The following DENND5B variants were observed in gnomAD, a reference collection of about 807,000 sequenced individuals.
DENND5B encodes the protein DENN domain containing 5B, also known as DENN domain-containing protein 5B.
In DENND5B, 34 loss-of-function variants were observed where a neutral mutation model predicts 140.6. The observed-to-expected ratio is 0.24, with a 90% CI of 0.18 to 0.32. The LOEUF (loss-of-function observed/expected upper bound fraction) is 0.32, where lower values mean the gene tolerates loss of function less well. Among genes scored for constraint, DENND5B ranks in the 10% least tolerant of loss-of-function variants. The pLI is 1.00. For missense variants in DENND5B, 1,142 were observed against 1,560.2 expected (o/e 0.73, Z 4.52); for synonymous variants, 551 against 562.1 (o/e 0.98, Z 0.28).
intron 1 of DENND5B, among the ~76,000 whole-genome samples, chr12:31,548,455 C>CAGT (rs756927236): frequency 1.3e-5 from 2 of 151,952 alleles, no homozygotes; most frequent in Non-Finnish European, 1.5e-5. Flanking sequence ...GCAGAACCCA[C>CAGT]AGTATCTAAG....
At chr12:31,387,808 A>G (rs1218553592) in intron 20 of DENND5B, 22 bp from the exon 21 acceptor site, 1 of 1,604,262 alleles carries the variant, frequency 6.2e-7, no homozygotes, top group Non-Finnish European at 8.5e-7. Context: ...AACAGAAACA[A>G]TTCCTGAGCA....
chr12:31,464,695 G>C (rs2138314519), intron 3 of DENND5B, among the ~76,000 whole-genome samples: 1 of 152,178 alleles, frequency 6.6e-6, no homozygotes, highest in South Asian at 2.1e-4. Flanking sequence ...CGAGTAGCTT[G>C]GATTACAGCT....
Position 31,409,325 on chromosome 12 carries a change from T to C in DENND5B, c.2741A>G (p.Tyr914Cys). The C allele has an allele frequency of 6.4e-7, 1 of 1,566,552 alleles. No individual in the cohort carries two copies. The highest frequency in any genetic ancestry group is 1.2e-5 in the South Asian group (1 of 84,860). ...CACAGCATTGAGAGAAAGAAGGTGG[T>C]AAAGAAACTGCTCTCTTTCTTCTTC... ...RCEEEREQFL[Y>C]HLLSLNAVDY... The change falls in exon 14 of 21, where the codon TAC (tyrosine) becomes TGC (cysteine). Residue 914 changes from tyrosine to cysteine, a missense_variant. Physicochemically the swap from Tyr to Cys is radical, Grantham distance 194 (BLOSUM62 -2). Coordinates refer to ENST00000389082, the MANE Select transcript of DENND5B (RefSeq NM_144973.4).
chr12:31,523,445 C>T (rs1270896438), intron 1 of DENND5B, among the ~76,000 whole-genome samples: 1 of 152,104 alleles, frequency 6.6e-6, no homozygotes, highest in Admixed American at 6.6e-5. Flanking sequence ...CTGACACAAT[C>T]CTGGCACTTA....
chr12:31,493,982 C>T (rs1385953507), intron 2 of DENND5B, among the ~76,000 whole-genome samples: 2 of 152,016 alleles, frequency 1.3e-5, no homozygotes, highest in African/African-American at 4.8e-5. Flanking sequence ...ATGCCTGCTA[C>T]CTCCTTACTT....
chr12:31,419,024 G>A (rs1696648489), intron 11 of DENND5B, among the ~76,000 whole-genome samples: 2 of 152,164 alleles, frequency 1.3e-5, no homozygotes, highest in South Asian at 4.1e-4. Context: ...AGTGACTCTG[G>A]AGAGAAGAGT....
At position 31,386,404 on chromosome 12, in the gene DENND5B, C is replaced by T. The variant is rs914316005; in HGVS notation, c.*1199G>A. 2 of 152,766 alleles carry T rather than the reference C, an allele frequency of 1.3e-5. No individual in the cohort carries two copies. Among genetic ancestry groups the T allele is most frequent in the Admixed American group, 1.3e-4 (2 of 15,274 alleles). 9.5% of individuals were successfully genotyped at this position (152,766 alleles called of 1,614,324 possible). A position where few individuals can be genotyped will look rare whatever the true frequency, so the allele number is the denominator to read the frequency against. ...ATTGTTGCCACCTCTTGCTTTGCTT[C>T]CATTTTGTCAGCCTGTGCTGCCAGT... On this transcript the variant is annotated 3_prime_UTR_variant, in exon 21 of 21. Transcript: ENST00000389082.
At chr12:31,586,426 A>G (rs1950395212) in intron 1 of DENND5B, among the ~76,000 whole-genome samples, 1 of 152,230 alleles carries the variant, frequency 6.6e-6, no homozygotes, top group African/African-American at 2.4e-5. Flanking sequence ...AGAAAGGACG[A>G]CAGGTAATAT....
At chr12:31,405,779 C>T (rs1371557960) in intron 14 of DENND5B, among the ~76,000 whole-genome samples, 1 of 151,820 alleles carries the variant, frequency 6.6e-6, no homozygotes, top group Non-Finnish European at 1.5e-5. Context: ...AACTCCTGAC[C>T]ACGTGATTCA....
intron 14 of DENND5B, 149 bp downstream of exon 14, chr12:31,409,114 T>G: frequency 1.2e-6 from 1 of 852,994 alleles, no homozygotes; most frequent in Non-Finnish European, 1.6e-6. Context: ...ACTCTTAGCA[T>G]TTGGGGAATA....
intron 1 of DENND5B, among the ~76,000 whole-genome samples, chr12:31,516,768 G>T (rs559956687): frequency 1.3e-4 from 19 of 151,676 alleles, no homozygotes; most frequent in South Asian, 8.3e-4. Context: ...TTATTTTCCT[G>T]TCTGTAATTT....
chr12:31,487,823 A>T (rs1442617356), intron 2 of DENND5B, among the ~76,000 whole-genome samples: 1 of 152,224 alleles, frequency 6.6e-6, no homozygotes, highest in Non-Finnish European at 1.5e-5. Flanking sequence ...TCCAGGCTAA[A>T]CTCAAACTTG....
At chr12:31,551,890 C>T (rs1949075750) in intron 1 of DENND5B, among the ~76,000 whole-genome samples, 1 of 152,232 alleles carries the variant, frequency 6.6e-6, no homozygotes, top group South Asian at 2.1e-4. Context: ...TAAAAGAATG[C>T]TTGTGATTTT....
chr12:31,452,191 G>A lies in DENND5B; in HGVS notation c.1378C>T (p.Leu460=), dbSNP rs1944565446. ...ACAGCCACACCAGTACGCTTGGCCA[G>A]AGCCTGCAAGCGGGCTATGGTTTCA... The part of the protein sequence containing the change: ...GNETIARLQA[L]AKRTGVAVEK... The change falls in exon 5 of 21, where the codon CTG becomes TTG. Residue 460 remains leucine (L), a synonymous_variant. Coordinates refer to ENST00000389082, the MANE Select transcript of DENND5B (RefSeq NM_144973.4). The A allele has an allele frequency of 6.2e-7, 1 of 1,613,976 alleles. No homozygotes were observed.
At chr12:31,408,152 C>T (rs529900642) in intron 14 of DENND5B, among the ~76,000 whole-genome samples, 3 of 150,884 alleles carry the variant, frequency 2.0e-5, no homozygotes, top group South Asian at 2.1e-4. Flanking sequence ...AAAAATTAGC[C>T]GGGCATGGTG....
rs150436384 is a variant in DENND5B at position 31,418,638 on chromosome 12, C to T, written c.2471-3190G>A. Among the ~76,000 whole-genome samples, 36 of 152,084 alleles carry T rather than the reference C, an allele frequency of 2.4e-4. No individual in the cohort carries two copies. In the East Asian group the frequency reaches 4.1e-3, roughly 17 times the overall value. On this transcript the variant is annotated intron_variant, in intron 11 of 20. Coordinates refer to ENST00000389082, the MANE Select transcript of DENND5B (RefSeq NM_144973.4). ...CAAAGTGAGATGGCTCAGAGAAGGC[C>T]TCTACACTCCAGATGATTAGACAGA...
rs1207787317 is a variant in DENND5B at position 31,428,666 on chromosome 12, C to G, written c.2107-2242G>C. Among the ~76,000 whole-genome samples, 3 of 152,124 alleles carry G rather than the reference C, an allele frequency of 2.0e-5. No homozygotes were observed. The East Asian group carries it at 5.8e-4, about 30-fold the overall frequency. On this transcript the variant is annotated intron_variant, in intron 8 of 20. Coordinates refer to ENST00000389082, the MANE Select transcript of DENND5B (RefSeq NM_144973.4). ...CACTGCAACCTCCGCCTTCCAGGTTCAAGTGATTTTCCTGCCTCAGCGTCC... is the reference window on the plus strand; with the variant it reads ...CACTGCAACCTCCGCCTTCCAGGTTGAAGTGATTTTCCTGCCTCAGCGTCC...
intron 14 of DENND5B, among the ~76,000 whole-genome samples, chr12:31,404,141 C>T (rs1941988565): frequency 6.6e-6 from 1 of 151,818 alleles, no homozygotes; most frequent in African/African-American, 2.4e-5. Context: ...GGGGGGATCC[C>T]TTGAGCCAGG....
chr12:31,408,506 A>G (rs549239917), intron 14 of DENND5B, among the ~76,000 whole-genome samples: 19 of 151,008 alleles, frequency 1.3e-4, no homozygotes, highest in Admixed American at 4.0e-4. Context: ...GCGTGCCTGT[A>G]ATTCCAGCTA....
Sources: allele counts gnomAD v4.1 joint callset (sites outside exome capture counted in the v4.1 genomes callset), GRCh38; gene constraint gnomAD v4.1.1; transcripts MANE v1.5; gene names NCBI Gene and HGNC (gene_info 2026-07-23, HGNC 2026-07-21).